The following TFDP2 variants were observed in gnomAD, a reference collection of about 807,000 sequenced individuals.
TFDP2 encodes transcription factor Dp-2 (E2F dimerization partner 2).
Under a neutral mutation model 59.3 loss-of-function variants are expected in TFDP2, and 17 were observed. That is an observed-to-expected ratio of 0.29 (90% CI 0.20 to 0.43). The LOEUF is 0.43. TFDP2 is among the 20% of genes least tolerant of loss of function. TFDP2 has a pLI of 1.00. For synonymous variants in TFDP2, 180 were observed against 194.7 expected, an observed-to-expected ratio of 0.92 and a Z score of 0.63; for missense variants, 391 against 528.8, an observed-to-expected ratio of 0.74 and a Z score of 2.56.
At chr3:141,997,266 T>C (rs1943354747) in intron 4 of TFDP2, among the ~76,000 whole-genome samples, 1 of 152,226 alleles carries the variant, frequency 6.6e-6, no homozygotes, top group Admixed American at 6.5e-5. Flanking sequence ...ACTTCATTTA[T>C]TGATATGCTA....
At chr3:142,048,923 C>T (rs569184982) in intron 3 of TFDP2, among the ~76,000 whole-genome samples, 4 of 152,212 alleles carry the variant, frequency 2.6e-5, no homozygotes, top group East Asian at 1.9e-4. Flanking sequence ...TCTGAGTCTC[C>T]GTTTTATCCA....
intron 3 of TFDP2, among the ~76,000 whole-genome samples, chr3:142,041,491 G>A (rs929694359): frequency 6.6e-6 from 1 of 152,162 alleles, no homozygotes; most frequent in Non-Finnish European, 1.5e-5. Context: ...CTCTGCACAC[G>A]CTCTCTTGCC....
intron 1 of TFDP2, among the ~76,000 whole-genome samples, chr3:142,127,884 G>A (rs1252026515): frequency 1.3e-5 from 2 of 152,180 alleles, no homozygotes; most frequent in African/African-American, 4.8e-5. Flanking sequence ...TTTGAATAAA[G>A]TCTTAACCCA....
At chr3:141,975,834 T>A (rs1479138026) in intron 7 of TFDP2, among the ~76,000 whole-genome samples, 4 of 152,104 alleles carry the variant, frequency 2.6e-5, no homozygotes, top group Non-Finnish European at 5.9e-5. Flanking sequence ...TCAAAGCAGA[T>A]TAAATAATAA....
At chr3:141,952,887 T>C in intron 12 of TFDP2, 24 bp downstream of exon 12, 1 of 1,607,584 alleles carries the variant, frequency 6.2e-7, no homozygotes, top group Non-Finnish European at 8.5e-7. Flanking sequence ...GGTTTGCCTT[T>C]CTAACCCTGA....
intron 3 of TFDP2, among the ~76,000 whole-genome samples, chr3:142,036,727 C>A (rs1946709896): frequency 6.6e-6 from 1 of 152,198 alleles, no homozygotes; most frequent in Non-Finnish European, 1.5e-5. Context: ...TTCCAACTAC[C>A]TTGGCCTTCT....
chr3:141,953,764 T>C (rs2107832664), intron 11 of TFDP2, among the ~76,000 whole-genome samples: 1 of 148,070 alleles, frequency 6.8e-6, no homozygotes, highest in East Asian at 2.0e-4. Context: ...GTATATCTCC[T>C]AATGCTATCC....
At chr3:142,057,167 C>A (rs1187879820) in intron 3 of TFDP2, among the ~76,000 whole-genome samples, 2 of 152,098 alleles carry the variant, frequency 1.3e-5, no homozygotes, top group Admixed American at 1.3e-4. Context: ...GTCATTTGTG[C>A]CTCCCACCAG....
intron 3 of TFDP2, among the ~76,000 whole-genome samples, chr3:142,011,357 G>T (rs1473157115): frequency 1.5e-5 from 2 of 136,666 alleles, no homozygotes; most frequent in African/African-American, 5.4e-5. Flanking sequence ...ACCAAACACC[G>T]CATATTCTCA....
At chr3:142,042,462 T>G (rs1331018165) in intron 3 of TFDP2, among the ~76,000 whole-genome samples, 1 of 151,668 alleles carries the variant, frequency 6.6e-6, no homozygotes, top group Non-Finnish European at 1.5e-5. Flanking sequence ...CGGCTAATTT[T>G]TGTACTTTTG....
chr3:142,102,957 T>C (rs1263474867), intron 1 of TFDP2, among the ~76,000 whole-genome samples: 2 of 152,098 alleles, frequency 1.3e-5, no homozygotes, highest in Non-Finnish European at 2.9e-5. Flanking sequence ...TAAAAACTGC[T>C]GGGCGCAGCG....
At position 142,005,454 on chromosome 3, in the gene TFDP2, A is replaced by G. The variant is rs373959825; in HGVS notation, c.173T>C (p.Val58Ala). The change falls in exon 4 of 13, where the codon GTT becomes GCT. Residue 58 changes from valine to alanine, a missense_variant. Val to Ala is a moderately conservative substitution (Grantham distance 64). Coordinates refer to ENST00000489671, the MANE Select transcript of TFDP2 (RefSeq NM_001178139.2). ...TAATTTTCTTACCATTTGGGGTCCAACATTCACATTTATTGGTCCTAAGGT... is the reference window on the plus strand; with the variant it reads ...TAATTTTCTTACCATTTGGGGTCCAGCATTCACATTTATTGGTCCTAAGGT... ...PKTLGPINVN[V>A]GPQMIISTPQ... 2.4e-4 allele frequency: 379 copies of G among 1,607,302 alleles called. 2 individuals are homozygous for G. The highest frequency in any genetic ancestry group is 3.0e-4 in the Non-Finnish European group (354 of 1,176,284).
chr3:141,959,562 C>T (rs1446656735), intron 11 of TFDP2, 112 bp downstream of exon 11: 25 of 1,164,896 alleles, frequency 2.1e-5, no homozygotes, highest in Middle Eastern at 2.0e-4. Flanking sequence ...TTCAGTTTGT[C>T]GACACAAGCA....
intron 6 of TFDP2, among the ~76,000 whole-genome samples, chr3:141,979,880 C>A (rs922758520): frequency 3.3e-5 from 5 of 151,242 alleles, no homozygotes; most frequent in African/African-American, 1.2e-4. Flanking sequence ...TGAGCCACTG[C>A]GCCTGGCCCT....
At position 141,968,875 on chromosome 3, in the gene TFDP2, TATAG is replaced by T. The variant is rs1409592131; in HGVS notation, c.732+1194_732+1197del. On this transcript the variant is annotated intron_variant, in intron 9 of 12. Coordinates refer to ENST00000489671, the MANE Select transcript of TFDP2 (RefSeq NM_001178139.2). Reference sequence around the variant, plus strand: ...ATATATAACATATATATCTCATATATATAGATATATATAACACATATATATCTCA... The same window carrying T: ...ATATATAACATATATATCTCATATATATATATATAACACATATATATCTCA... Among the ~76,000 whole-genome samples the T allele has an allele frequency of 9.5e-4, 86 of 90,186 alleles. 11 individuals carry two copies. Among genetic ancestry groups the T allele is most frequent in the Non-Finnish European group, 3.4e-4 (17 of 49,550 alleles). 59.2% of individuals were successfully genotyped at this position (90,186 alleles called of 152,430 possible).
rs559808569 is a variant in TFDP2, at chr3:142,079,818, G to A, written c.82+13243C>T. Among the ~76,000 whole-genome samples, 8 of 152,246 alleles carry A rather than the reference G, an allele frequency of 5.3e-5. No individual in the cohort carries two copies. The East Asian group carries it at 1.5e-3, about 29-fold the overall frequency. On this transcript the variant is annotated intron_variant, in intron 3 of 12. Coordinates refer to ENST00000489671, the MANE Select transcript of TFDP2 (RefSeq NM_001178139.2). ...AAAAATATCCTTCAAACATGAAGGA[G>A]AAATAAAGACTTTCCCAGACAACAA...
rs984082447 is a variant in TFDP2 at position 141,958,947 on chromosome 3, C to CTTTTTT, written c.1051+721_1051+726dup. Reference sequence around the variant, plus strand: ...ATTAGAGGGAAGTAGGATGTACCTACTTTTTTTTTTTTTTTTTTTTTTTTG... The same window carrying CTTTTTT: ...ATTAGAGGGAAGTAGGATGTACCTACTTTTTTTTTTTTTTTTTTTTTTTTTTTTTTG... On this transcript the variant is annotated intron_variant, in intron 11 of 12. Transcript: ENST00000489671. 4.8e-5 allele frequency among the ~76,000 whole-genome samples: 5 copies of CTTTTTT among 103,682 alleles called. 1 individual carries two copies. The highest frequency in any genetic ancestry group is 6.8e-4 in the South Asian group (2 of 2,942). The allele number at this position is 103,682 out of a possible 152,430, so 68.0% of individuals were successfully genotyped here. A position where few individuals can be genotyped will look rare whatever the true frequency, so the allele number is the denominator to read the frequency against.
At chr3:142,010,152 G>A (rs1482503847) in intron 3 of TFDP2, among the ~76,000 whole-genome samples, 2 of 151,956 alleles carry the variant, frequency 1.3e-5, no homozygotes, top group Non-Finnish European at 2.9e-5. Flanking sequence ...AATGTGCAAG[G>A]CACAGGTCAT....
At chr3:142,067,993 G>C (rs1039235914) in intron 3 of TFDP2, among the ~76,000 whole-genome samples, 1 of 136,696 alleles carries the variant, frequency 7.3e-6, no homozygotes, top group Non-Finnish European at 1.5e-5. Flanking sequence ...GACAGAGTAA[G>C]ACTCTAGCTT....
Sources: allele counts gnomAD v4.1 joint callset (sites outside exome capture counted in the v4.1 genomes callset), GRCh38; gene constraint gnomAD v4.1.1; transcripts MANE v1.5; gene names NCBI Gene and HGNC (gene_info 2026-07-23, HGNC 2026-07-21).